G3BP2: variants seen among roughly 807,000 people sequenced by gnomAD.
G3BP2 encodes the protein ras GTPase-activating protein-binding protein 2.
In G3BP2, 11 loss-of-function variants were observed where a neutral mutation model predicts 56.7. The observed-to-expected ratio is 0.19, with a 90% CI of 0.12 to 0.32. The LOEUF is 0.32. Among genes scored for constraint, G3BP2 ranks in the 10% least tolerant of loss-of-function variants. The pLI, the probability that G3BP2 is intolerant of heterozygous loss-of-function variation, is 1.00. For synonymous variants in G3BP2, 165 were observed against 191.6 expected, an observed-to-expected ratio of 0.86 and a Z score of 1.15; for missense variants, 340 against 610.9, an observed-to-expected ratio of 0.56 and a Z score of 4.67.
intron 3 of G3BP2, among the ~76,000 whole-genome samples, chr4:75,709,113 TAAC>T (rs375782574): frequency 7.7e-4 from 103 of 134,600 alleles, no homozygotes; most frequent in Middle Eastern, 6.2e-3. Context: ...TCTGAAACAA[TAAC>T]AACAACAACA....
In G3BP2 at chr4:75,657,005, G is replaced by C. The variant is rs1185000405; in HGVS notation, c.361C>G (p.Pro121Ala). Residue 121 changes from proline (P) to alanine (A), a missense_variant, in exon 5 of 12, where the codon CCA (proline) becomes GCA (alanine). Pro to Ala is a conservative substitution (Grantham distance 27). This residue lies in a region of G3BP2 where 224 missense variants were observed against 332.5 expected (regional missense o/e 0.67). Coordinates refer to ENST00000359707, the MANE Select transcript of G3BP2 (RefSeq NM_203505.3). ...TCATTGTGAACATAAAATTTATTTGGAACAGATCCCTATAGGAAACAACAT... is the reference window on the plus strand; with the variant it reads ...TCATTGTGAACATAAAATTTATTTGCAACAGATCCCTATAGGAAACAACAT... Reference protein sequence around the residue: ...TFVLAPEGSVPNKFYVHNDMF... With the variant: ...TFVLAPEGSVANKFYVHNDMF... The C allele has an allele frequency of 7.1e-7, 1 of 1,401,838 alleles. No individual in the cohort carries two copies. Among genetic ancestry groups the C allele is most frequent in the Admixed American group, 1.9e-5 (1 of 54,002 alleles). The allele number at this position is 1,401,838 out of a possible 1,614,324, so 86.8% of individuals were successfully genotyped here.
rs1294831234 is a variant in G3BP2, at chr4:75,643,637, AAAC to A, written c.*1790_*1792del. On this transcript the variant is annotated 3_prime_UTR_variant, in exon 12 of 12. Coordinates refer to ENST00000359707, the MANE Select transcript of G3BP2 (RefSeq NM_203505.3). ...TTACTCATATTGCCCAGTACATGAA[AAAC>A]AAAATACATGCATCATTTGCTAGTT... 6.6e-6 allele frequency: 1 copy of A among 152,588 alleles called. No homozygotes were observed. The highest frequency in any genetic ancestry group is 2.4e-5 in the African/African-American group (1 of 41,428). The allele number at this position is 152,588 out of a possible 1,614,324, so 9.5% of individuals were successfully genotyped here. A position where few individuals can be genotyped will look rare whatever the true frequency, so the allele number is the denominator to read the frequency against.
chr4:75,661,769 A>G, intron 2 of G3BP2, 162 bp downstream of exon 2: 1 of 563,370 alleles, frequency 1.8e-6, no homozygotes. Context: ...AGTTGCAGTT[A>G]AAAACACTTT....
intron 11 of G3BP2, among the ~76,000 whole-genome samples, 171 bp from the exon 12 acceptor site, chr4:75,645,873 C>T (rs1203306472): frequency 6.6e-6 from 1 of 152,092 alleles, no homozygotes; most frequent in Non-Finnish European, 1.5e-5. Flanking sequence ...GCCAGTGGCA[C>T]AAGCATGGCT....
At chr4:75,682,999 A>C (rs1734141690) in intron 3 of G3BP2, among the ~76,000 whole-genome samples, 1 of 151,818 alleles carries the variant, frequency 6.6e-6, no homozygotes, top group Admixed American at 6.6e-5. Flanking sequence ...AAAAAAAAGA[A>C]AGAAAGAAAT....
At chr4:75,671,054 G>A (rs1184060415) in intron 1 of G3BP2, among the ~76,000 whole-genome samples, 1 of 152,154 alleles carries the variant, frequency 6.6e-6, no homozygotes, top group Non-Finnish European at 1.5e-5. Context: ...GCAGAAACAC[G>A]ACAGTCAAGA....
At position 75,648,749 on chromosome 4, in the gene G3BP2, A is replaced by T; in HGVS notation, c.826-8T>A. The T allele has an allele frequency of 6.4e-7, 1 of 1,562,838 alleles. No homozygotes were observed. The highest frequency in any genetic ancestry group is 8.8e-7 in the Non-Finnish European group (1 of 1,136,440). On this transcript the variant is annotated splice_region_variant and splice_polypyrimidine_tract_variant and intron_variant, in intron 8 of 11. Transcript: ENST00000359707. ...TTTAGCTTCGACTCTTGGCTAAAAT[A>T]TAAAGAAAAAAAAACATTATAAAAA...
intron 1 of G3BP2, among the ~76,000 whole-genome samples, chr4:75,668,070 G>A (rs186926614): frequency 6.0e-4 from 91 of 152,130 alleles, no homozygotes; most frequent in Non-Finnish European, 1.0e-3. Context: ...CAGCTCTCAC[G>A]GAAAATTGCT....
rs778418906 is a variant in G3BP2, at chr4:75,645,511, TGGA to T, written c.1365_1367del (p.Pro456del). 11 of 1,614,090 alleles carry T rather than the reference TGGA, an allele frequency of 6.8e-6. No homozygotes were observed. In the South Asian group the frequency reaches 1.2e-4, roughly 18 times the overall value. On this transcript the variant is annotated inframe_deletion, in exon 12 of 12. Coordinates refer to ENST00000359707, the MANE Select transcript of G3BP2 (RefSeq NM_203505.3). ...CAAGTTTCTGTGCCATGCCACCCCT[TGGA>T]GGAGGTCCTCTTCCATCACGATCAC... is the stretch of plus-strand genomic sequence containing the variant.
At chr4:75,718,878 GA>G (rs555079037) in intron 3 of G3BP2, among the ~76,000 whole-genome samples, 2 of 149,174 alleles carry the variant, frequency 1.3e-5, no homozygotes, top group Non-Finnish European at 1.5e-5. Flanking sequence ...TGGAGCTAGA[GA>G]AAAAAAAACA....
chr4:75,716,619 G>A (rs974493268), intron 3 of G3BP2, among the ~76,000 whole-genome samples: 2 of 152,110 alleles, frequency 1.3e-5, no homozygotes, highest in South Asian at 2.1e-4. Flanking sequence ...AGGTTCAAGC[G>A]ATTCTCCTGC....
chr4:75,706,388 T>C (rs1719545683), intron 3 of G3BP2, among the ~76,000 whole-genome samples: 2 of 152,228 alleles, frequency 1.3e-5, no homozygotes, highest in Admixed American at 1.3e-4. Flanking sequence ...TCTTGTATAC[T>C]GTTATGGATT....
At chr4:75,662,221 AT>A (rs33965828) in intron 1 of G3BP2, 172 bp from the exon 2 acceptor site, 92,750 of 286,330 alleles carry the variant, frequency 0.32, 8,341 homozygotes, top group East Asian at 0.54. Flanking sequence ...ACCTGAAATA[AT>A]TTTTTTTTTT....
intron 3 of G3BP2, among the ~76,000 whole-genome samples, chr4:75,695,531 A>C (rs1719065443): frequency 6.6e-6 from 1 of 152,176 alleles, no homozygotes; most frequent in Non-Finnish European, 1.5e-5. Context: ...TGAAATAGAG[A>C]TTTGGGAGCA....
At chr4:75,646,947 AAT>A in intron 10 of G3BP2, 80 bp downstream of exon 10, 2 of 813,362 alleles carry the variant, frequency 2.5e-6, no homozygotes, top group Non-Finnish European at 3.8e-6. Flanking sequence ...ATTTAAAAAA[AAT>A]AGTTATTAAA....
At chr4:75,723,676 T>A (rs1229584116) in intron 1 of G3BP2, among the ~76,000 whole-genome samples, 1 of 152,172 alleles carries the variant, frequency 6.6e-6, no homozygotes, top group African/African-American at 2.4e-5. Context: ...ATTGACTTTT[T>A]TTCTTTAAGG....
upstream of G3BP2, among the ~76,000 whole-genome samples, chr4:75,674,709 TATATATA>T (rs1733774785): frequency 2.2e-5 from 1 of 46,076 alleles, no homozygotes; most frequent in African/African-American, 7.8e-5. Context: ...TATATATATA[TATATATA>T]TATTTTTTTT....
intron 1 of G3BP2, 62 bp downstream of exon 1, chr4:75,673,146 C>A (rs1578415451): frequency 8.8e-7 from 1 of 1,130,936 alleles, no homozygotes; most frequent in African/African-American, 1.6e-5. Context: ...CGCCGCGGAG[C>A]GCGAATGGAA....
At chr4:75,660,623 CAAGT>C (rs1372400284) in intron 2 of G3BP2, among the ~76,000 whole-genome samples, 1 of 152,148 alleles carries the variant, frequency 6.6e-6, no homozygotes, top group Non-Finnish European at 1.5e-5. Context: ...AAAAATGCCT[CAAGT>C]AAGACAGATT....
Sources: gnomAD v4.1 joint callset for allele counts (sites outside exome capture counted in the v4.1 genomes callset) on GRCh38, gnomAD v4.1.1 for gene constraint, gnomAD v4.1.1 regional missense constraint, MANE v1.5 for transcripts, NCBI Gene and HGNC (gene_info 2026-07-23, HGNC 2026-07-21) for gene names.